The following ESRRG variants were observed in gnomAD, a reference collection of about 807,000 sequenced individuals.
The protein encoded by ESRRG is estrogen related receptor gamma.
ESRRG carries 13 observed loss-of-function variants against 44.0 expected under a neutral mutation model. The ratio of observed to expected loss-of-function variants is 0.30; its 90% CI spans 0.19 to 0.47. ESRRG has a LOEUF of 0.47. Among genes scored for constraint, ESRRG ranks in the 20% least tolerant of loss-of-function variants. The probability of loss-of-function intolerance (pLI) is 1.00; values close to 1 mark genes in which losing one functional copy is unlikely to be tolerated. For missense variants in ESRRG, 395 were observed against 580.6 expected (o/e 0.68, Z 3.29); for synonymous variants, 215 against 214.6 (o/e 1.00, Z -0.02).
intron 1 of ESRRG, among the ~76,000 whole-genome samples, chr1:216,999,854 C>A (rs1323630475): frequency 6.6e-6 from 1 of 152,200 alleles, no homozygotes; most frequent in Non-Finnish European, 1.5e-5. Context: ...CCACTCAACC[C>A]TTGCATCTTC....
chr1:217,012,184 T>G (rs2078719050), intron 1 of ESRRG, among the ~76,000 whole-genome samples: 1 of 152,180 alleles, frequency 6.6e-6, no homozygotes, highest in African/African-American at 2.4e-5. Context: ...ACACCGTCAT[T>G]CTAGTGGATT....
intron 1 of ESRRG, among the ~76,000 whole-genome samples, chr1:216,693,737 TC>T (rs1379062885): frequency 6.6e-6 from 1 of 152,222 alleles, no homozygotes; most frequent in Admixed American, 6.5e-5. Flanking sequence ...ATATTTTTTA[TC>T]TGCAGTTGGT....
At chr1:216,722,416 C>A (rs1180287559) in intron 1 of ESRRG, among the ~76,000 whole-genome samples, 1 of 134,192 alleles carries the variant, frequency 7.5e-6, no homozygotes, top group Non-Finnish European at 1.6e-5. Context: ...CTCACTCCCC[C>A]CCCTTTAGTA....
intron 1 of ESRRG, among the ~76,000 whole-genome samples, chr1:217,135,168 G>A (rs1313907036): frequency 6.6e-6 from 1 of 152,204 alleles, no homozygotes; most frequent in African/African-American, 2.4e-5. Flanking sequence ...TCTCCATCTG[G>A]ACGCACCTCG....
chr1:216,971,221 T>C (rs1352252669), intron 1 of ESRRG, among the ~76,000 whole-genome samples: 1 of 152,202 alleles, frequency 6.6e-6, no homozygotes, highest in Non-Finnish European at 1.5e-5. Flanking sequence ...GCCAGAGAAC[T>C]CTTGATGAAG....
At chr1:216,913,111 CAAAAAAAAAAAA>C (rs36067159) in intron 2 of ESRRG, among the ~76,000 whole-genome samples, 1 of 62,814 alleles carries the variant, frequency 1.6e-5, no homozygotes, top group Non-Finnish European at 3.5e-5. Context: ...GACTCTGTCT[CAAAAAAAAAAAA>C]AAAAAAAAAG....
rs528982901 is a variant in ESRRG at position 216,808,937 on chromosome 1, G to A, written c.-14+130645C>T. ...TTTTTTCTTTTTTTTTCTCAAATGG[G>A]AAAGAAAGAAGAAAAGAGTTAAAAG... On this transcript the variant is annotated intron_variant, in intron 2 of 7. Coordinates refer to the ESRRG transcript ENST00000359162. Among the ~76,000 whole-genome samples, 290 of 151,904 alleles carry A rather than the reference G, an allele frequency of 1.9e-3. 2 individuals are homozygous for A. Among genetic ancestry groups the A allele is most frequent in the Middle Eastern group, 6.8e-3 (2 of 294 alleles).
intron 2 of ESRRG, among the ~76,000 whole-genome samples, chr1:216,912,181 A>AGGAGAGGAGAGGAGAGG (rs2060486532): frequency 6.3e-5 from 1 of 15,974 alleles, no homozygotes; most frequent in Non-Finnish European, 1.1e-4. Flanking sequence ...AAAAGAAAAG[A>AGGAGAGGAGAGGAGAGG]AAAGGAGAGG....
rs181908108 is a variant in ESRRG, at chr1:216,840,282, C to T, written c.-14+99300G>A. Among the ~76,000 whole-genome samples, 4 of 152,298 alleles carry T rather than the reference C, an allele frequency of 2.6e-5. No homozygotes were observed. In the East Asian group the frequency reaches 7.7e-4, roughly 29 times the overall value. ...TACAGTGATGGCTTATTTCCTTAAA[C>T]CTCATGAACCAACCTGTGCTAGCTT... On this transcript the variant is annotated intron_variant, in intron 2 of 7. Coordinates refer to the ESRRG transcript ENST00000359162.
chr1:216,508,397 C>T (rs2041791537), intron 6 of ESRRG, among the ~76,000 whole-genome samples: 1 of 151,998 alleles, frequency 6.6e-6, no homozygotes, highest in Non-Finnish European at 1.5e-5. Flanking sequence ...TTAATGACAC[C>T]TCTTTAAAAA....
rs1256864867 is a variant in ESRRG at position 216,567,163 on chromosome 1, A to G, written c.700+825T>C. Among the ~76,000 whole-genome samples, 4 of 152,200 alleles carry G rather than the reference A, an allele frequency of 2.6e-5. No individual in the cohort carries two copies. The East Asian group carries it at 7.7e-4, about 29-fold the overall frequency. ...ACAGCTAAATTGGAAAACCGTTTTC[A>G]CCAAAGCGCTCCTCCATGCCCAGTA... On this transcript the variant is annotated intron_variant, in intron 4 of 6. Coordinates refer to ENST00000408911, the MANE Select transcript of ESRRG (RefSeq NM_001438.4).
chr1:216,525,590 C>A (rs895218894), intron 5 of ESRRG, among the ~76,000 whole-genome samples: 2 of 152,016 alleles, frequency 1.3e-5, no homozygotes, highest in Non-Finnish European at 2.9e-5. Flanking sequence ...AAAATAAGTT[C>A]TGCCTGGAAA....
At chr1:216,821,797 C>T (rs994092740) in intron 2 of ESRRG, among the ~76,000 whole-genome samples, 1 of 150,714 alleles carries the variant, frequency 6.6e-6, no homozygotes, top group African/African-American at 2.4e-5. Context: ...AATGAAATTT[C>T]CTTATGATTC....
intron 6 of ESRRG, among the ~76,000 whole-genome samples, chr1:216,511,840 T>A (rs1472493745): frequency 2.6e-5 from 4 of 151,898 alleles, no homozygotes; most frequent in African/African-American, 9.7e-5. Context: ...ATGGGACAAT[T>A]TGGGCTTCAA....
chr1:216,891,753 G>A (rs1281914015), intron 2 of ESRRG, among the ~76,000 whole-genome samples: 1 of 150,524 alleles, frequency 6.6e-6, no homozygotes, highest in Non-Finnish European at 1.5e-5. Flanking sequence ...AAGAAGAGGA[G>A]GTTTTTAAGG....
At chr1:216,828,139 C>A (rs1161536179) in intron 2 of ESRRG, among the ~76,000 whole-genome samples, 1 of 152,166 alleles carries the variant, frequency 6.6e-6, no homozygotes, top group Non-Finnish European at 1.5e-5. Context: ...AGAGCTTGCA[C>A]CTGGGAGCAA....
chr1:216,846,114 A>C (rs12089889), intron 2 of ESRRG, among the ~76,000 whole-genome samples: 5,106 of 152,216 alleles, frequency 0.034, 300 homozygotes, highest in African/African-American at 0.11. Flanking sequence ...AAATCCCTAA[A>C]TAACAACTTC....
rs1284271235 is a variant in ESRRG at position 216,505,941 on chromosome 1, A to T, written c.*998T>A. ...ACATTTTTAAAAATCTTCCTTCAGG[A>T]TTCATTTGTCCTTCATTATTGTTCG... On this transcript the variant is annotated 3_prime_UTR_variant, in exon 7 of 7. Coordinates refer to ENST00000408911, the MANE Select transcript of ESRRG (RefSeq NM_001438.4). 1 of 152,666 alleles carries T rather than the reference A, an allele frequency of 6.6e-6. No homozygotes were observed. Among genetic ancestry groups the T allele is most frequent in the Non-Finnish European group, 1.5e-5 (1 of 68,034 alleles). 9.5% of individuals were successfully genotyped at this position (152,666 alleles called of 1,614,324 possible). A position where few individuals can be genotyped will look rare whatever the true frequency, so the allele number is the denominator to read the frequency against.
chr1:216,739,586 G>A (rs1042008396), intron 2 of ESRRG, among the ~76,000 whole-genome samples: 1 of 152,044 alleles, frequency 6.6e-6, no homozygotes, highest in African/African-American at 2.4e-5. Context: ...GTAAATTCTC[G>A]GCCCTGCCAC....
Sources: allele counts gnomAD v4.1 joint callset (sites outside exome capture counted in the v4.1 genomes callset), GRCh38; gene constraint gnomAD v4.1.1; transcripts MANE v1.5; gene names NCBI Gene and HGNC (gene_info 2026-07-23, HGNC 2026-07-21).